The following SH3KBP1 variants were observed in gnomAD, a reference collection of about 807,000 sequenced individuals.
SH3KBP1 encodes the protein SH3 domain-containing kinase-binding protein 1.
In SH3KBP1, 8 loss-of-function variants were observed where a neutral mutation model predicts 50.1. The ratio of observed to expected loss-of-function variants is 0.16; its 90% confidence interval spans 0.09 to 0.29. The LOEUF (loss-of-function observed/expected upper bound fraction) is 0.29, where lower values mean the gene tolerates loss of function less well. Ranked by LOEUF, SH3KBP1 falls within the 10% of genes least tolerant of loss-of-function variation. The pLI is 1.00. For missense variants in SH3KBP1, 377 were observed against 535.2 expected, an observed-to-expected ratio of 0.70 and a Z score of 2.92; for synonymous variants, 227 against 218.6, an observed-to-expected ratio of 1.04 and a Z score of -0.34.
intron 6 of SH3KBP1, among the ~76,000 whole-genome samples, chrX:19,650,190 T>G (rs2062089593): frequency 8.9e-6 from 1 of 112,016 alleles, no homozygotes; most frequent in African/African-American, 3.2e-5. Context: ...AAGAAGATGG[T>G]GGTCTGAGAA....
At chrX:19,684,522 A>G (rs1234636057) in intron 5 of SH3KBP1, among the ~76,000 whole-genome samples, 1 of 112,875 alleles carries the variant, frequency 8.9e-6, no homozygotes, top group Non-Finnish European at 1.9e-5. Flanking sequence ...ATGAGCAATT[A>G]AAGAAACCAC....
intron 9 of SH3KBP1, among the ~76,000 whole-genome samples, chrX:19,600,052 G>A (rs1029626192): frequency 1.0e-5 from 1 of 95,879 alleles, no homozygotes; most frequent in Admixed American, 1.2e-4. Context: ...GGAGAATGGC[G>A]TGAACCCGGG....
chrX:19,651,755 G>A (rs1383672833), intron 6 of SH3KBP1, among the ~76,000 whole-genome samples: 1 of 111,567 alleles, frequency 9.0e-6, no homozygotes, highest in Non-Finnish European at 1.9e-5. Flanking sequence ...AACACTTTGG[G>A]AAACTGAGGT....
chrX:19,571,797 A>AC (rs2066014569), intron 12 of SH3KBP1, among the ~76,000 whole-genome samples: 1 of 109,180 alleles, frequency 9.2e-6, no homozygotes, highest in Admixed American at 9.8e-5. Flanking sequence ...GAAAGAGAGC[A>AC]CTCAGGCAGT....
intron 9 of SH3KBP1, among the ~76,000 whole-genome samples, chrX:19,601,309 A>T (rs946816766): frequency 9.8e-5 from 11 of 111,768 alleles, no homozygotes; most frequent in African/African-American, 3.6e-4. Context: ...CCTGTGAAGG[A>T]TTTCAGAACT....
chrX:19,776,532 G>GT (rs72090569), intron 2 of SH3KBP1, among the ~76,000 whole-genome samples: 526 of 25,672 alleles, frequency 0.02, 42 homozygotes, highest in Middle Eastern at 0.029. Flanking sequence ...TGACAACCTG[G>GT]TTTTTTTTTT....
intron 8 of SH3KBP1, among the ~76,000 whole-genome samples, chrX:19,622,867 A>G (rs996403767): frequency 1.6e-4 from 18 of 110,859 alleles, no homozygotes; most frequent in African/African-American, 5.9e-4. Flanking sequence ...ACATGGCGAA[A>G]CCCCATCTCT....
chrX:19,739,968 T>C (rs2064719095), intron 3 of SH3KBP1, among the ~76,000 whole-genome samples: 2 of 110,696 alleles, frequency 1.8e-5, no homozygotes, highest in Non-Finnish European at 3.8e-5. Flanking sequence ...GGGAGACTCA[T>C]TAGTGTTAAT....
rs59044973 is a variant in SH3KBP1, at chrX:19,682,333, TACACACAC to T, written c.726+1482_726+1489del. Among the ~76,000 whole-genome samples, 43 of 75,917 alleles carry T rather than the reference TACACACAC, an allele frequency of 5.7e-4. 1 individual carries two copies. The highest frequency in any genetic ancestry group is 1.0e-3 in the Admixed American group (7 of 6,796). The allele number at this position is 75,917 out of a possible 115,157, so 65.9% of individuals were successfully genotyped here. A position where few individuals can be genotyped will look rare whatever the true frequency, so the allele number is the denominator to read the frequency against. ...ATATTAATAGCAATAATAAGAGTCA[TACACACAC>T]ACACACACACACACACACACACACA... On this transcript the variant is annotated intron_variant, in intron 6 of 17. Coordinates refer to ENST00000397821, the MANE Select transcript of SH3KBP1 (RefSeq NM_031892.3).
At chrX:19,592,029 G>T in intron 11 of SH3KBP1, 38 bp downstream of exon 11, 1 of 1,069,588 alleles carries the variant, frequency 9.3e-7, no homozygotes, top group Non-Finnish European at 1.3e-6. Flanking sequence ...TTCAGCTCCT[G>T]CTGTTCTGGA....
intron 6 of SH3KBP1, chrX:19,670,369 C>T (rs962972468): frequency 2.7e-6 from 2 of 751,902 alleles, no homozygotes; most frequent in Non-Finnish European, 3.1e-6. Flanking sequence ...GAGTGAAACG[C>T]CCCACAGCTG....
chrX:19,545,932 G>C lies in SH3KBP1; in HGVS notation c.1613C>G (p.Thr538Ser), dbSNP rs1484899906. The C allele has an allele frequency of 8.3e-7, 1 of 1,211,399 alleles. No individual in the cohort carries two copies. The highest frequency in any genetic ancestry group is 3.0e-5 in the East Asian group (1 of 33,852). ...DASKKTSKTV[T>S]ISQVSDNKAS... ...TGGCTGGTGACTCACTTGGGATATG[G>C]TAACAGTCTTGGAAGTTTTCTTTGA... The change falls in exon 15 of 18, where the codon ACC becomes AGC. Residue 538 changes from threonine to serine, a missense_variant. By Grantham distance (58) the Thr-to-Ser change is moderately conservative. This residue lies in a region of SH3KBP1 where 110 missense variants were observed against 124.1 expected (regional missense o/e 0.89). Coordinates refer to ENST00000397821, the MANE Select transcript of SH3KBP1 (RefSeq NM_031892.3).
chrX:19,629,587 A>G (rs946251473), intron 8 of SH3KBP1, among the ~76,000 whole-genome samples: 8 of 111,252 alleles, frequency 7.2e-5, no homozygotes, highest in African/African-American at 2.6e-4. Flanking sequence ...GATACAGAAC[A>G]ACTCAAGCCT....
At chrX:19,622,951 G>A (rs756298323) in intron 8 of SH3KBP1, among the ~76,000 whole-genome samples, 40 of 106,032 alleles carry the variant, frequency 3.8e-4, no homozygotes, top group African/African-American at 1.3e-3. Flanking sequence ...GCTGAGGCAC[G>A]AGAATCGCTT....
At chrX:19,621,279 C>T (rs1431225749) in intron 8 of SH3KBP1, among the ~76,000 whole-genome samples, 15 of 90,705 alleles carry the variant, frequency 1.7e-4, no homozygotes, top group East Asian at 6.6e-4. Flanking sequence ...TTAGTGGAGA[C>T]GGGGTTTCAC....
In SH3KBP1 at chrX:19,591,773, C is replaced by T. The variant is rs148505258; in HGVS notation, c.1138+294G>A. The stretch of plus-strand genomic sequence containing the variant: ...ACCAGGCCCTAAAGGAACTTACATC[C>T]GACTTCAGGGTGCAGAGAGGGTGGC... On this transcript the variant is annotated intron_variant, in intron 11 of 17. Transcript: ENST00000397821. Among the ~76,000 whole-genome samples the T allele has an allele frequency of 2.5e-3, 282 of 112,173 alleles. 2 individuals carry two copies. Among genetic ancestry groups the T allele is most frequent in the African/African-American group, 8.7e-3 (269 of 30,912 alleles).
At chrX:19,701,589 G>T (rs754994620) in intron 4 of SH3KBP1, among the ~76,000 whole-genome samples, 2 of 111,805 alleles carry the variant, frequency 1.8e-5, no homozygotes, top group Non-Finnish European at 3.8e-5. Context: ...CTCACCATCT[G>T]CATCTTCAGT....
chrX:19,754,263 G>A (rs1008800197), intron 2 of SH3KBP1, among the ~76,000 whole-genome samples: 1 of 111,640 alleles, frequency 9.0e-6, no homozygotes, highest in Non-Finnish European at 1.9e-5. Flanking sequence ...AAATGAGAAC[G>A]ACTACCTTTG....
At chrX:19,779,347 T>A (rs2066087244) in intron 2 of SH3KBP1, among the ~76,000 whole-genome samples, 1 of 108,206 alleles carries the variant, frequency 9.2e-6, no homozygotes, top group Admixed American at 9.9e-5. Context: ...GTTAGCAAGA[T>A]GTGCTAACAT....
Sources: gnomAD v4.1 joint callset for allele counts (sites outside exome capture counted in the v4.1 genomes callset) on GRCh38, gnomAD v4.1.1 for gene constraint, gnomAD v4.1.1 regional missense constraint, MANE v1.5 for transcripts, NCBI Gene and HGNC (gene_info 2026-07-23, HGNC 2026-07-21) for gene names.